Variants in RIF1 observed in about 807,000 individuals in gnomAD.
The protein encoded by RIF1 is replication timing regulatory factor 1.
A neutral mutation model predicts 247.1 loss-of-function variants in RIF1; 45 were observed. The ratio of observed to expected loss-of-function variants is 0.18; its 90% CI spans 0.14 to 0.23. RIF1 has a LOEUF of 0.23. Ranked by LOEUF, RIF1 falls within the 10% of genes least tolerant of loss-of-function variation. The pLI, the probability that RIF1 is intolerant of heterozygous loss-of-function variation, is 1.00. For synonymous variants in RIF1, 1,087 were observed against 978.8 expected (o/e 1.11, Z -2.06); for missense variants, 2,967 against 2,862.5 (o/e 1.04, Z -0.83).
At position 151,481,124 on chromosome 2, in the gene RIF1, A is replaced by G. The variant is rs575792981; in HGVS notation, c.*6053A>G. The G allele has an allele frequency of 4.6e-5, 7 of 152,328 alleles. No homozygotes were observed. Among genetic ancestry groups the G allele is most frequent in the South Asian group, 2.1e-4 (1 of 4,828 alleles). 9.4% of individuals were successfully genotyped at this position (152,328 alleles called of 1,614,324 possible). On this transcript the variant is annotated 3_prime_UTR_variant, in exon 36 of 36. Transcript: ENST00000444746. ...TATAGCAGAGTCTGTATGGCTTCCAACAGTCAAAATACTGCCTGGCCTTTT... is the reference window on the plus strand; with the variant it reads ...TATAGCAGAGTCTGTATGGCTTCCAGCAGTCAAAATACTGCCTGGCCTTTT...
At chr2:151,524,576 G>A in the RIF1 span, 1 of 1,611,426 alleles carries the variant, frequency 6.2e-7, no homozygotes, top group Middle Eastern at 1.7e-4. Context: ...AGCCACTGTG[G>A]TGTAATGCAG....
At chr2:151,482,195 C>T (rs1174934873), downstream of RIF1, 1 of 152,068 alleles carries the variant, frequency 6.6e-6, no homozygotes, top group Non-Finnish European at 1.5e-5. Context: ...TTTTTGTTGG[C>T]TACATTTTGG....
Position 151,416,793 on chromosome 2 carries a change from G to C in RIF1, c.409-14G>C. The C allele has an allele frequency of 6.2e-7, 1 of 1,603,218 alleles. No individual in the cohort carries two copies. ...AGGCTTATTTCATTTGTATTTATTT[G>C]GTTCGTTTTTTAGGTATCCAGTATA... On this transcript the variant is annotated splice_polypyrimidine_tract_variant and intron_variant, in intron 5 of 35. Transcript: ENST00000444746.
intron 29 of RIF1, 47 bp downstream of exon 29, chr2:151,462,513 A>G: frequency 8.1e-7 from 1 of 1,231,804 alleles, no homozygotes; most frequent in Non-Finnish European, 1.2e-6. Flanking sequence ...TCACCCTTCC[A>G]TTATACAGTC....
intron 11 of RIF1, chr2:151,502,710 A>G (rs2065652207): frequency 1.3e-6 from 1 of 781,172 alleles, no homozygotes; most frequent in South Asian, 1.6e-5. Context: ...CATTATATGA[A>G]TTTAGTAATT....
At chr2:151,522,306 T>C in the RIF1 span, among the ~76,000 whole-genome samples, 42 of 152,220 alleles carry the variant, frequency 2.8e-4, no homozygotes, top group Non-Finnish European at 1.8e-4. Context: ...TGTTGATTCA[T>C]AGAAGGCCTG....
chr2:151,432,335 T>C (rs1690320953), intron 9 of RIF1, among the ~76,000 whole-genome samples: 2 of 152,174 alleles, frequency 1.3e-5, no homozygotes, highest in African/African-American at 4.8e-5. Flanking sequence ...TGACAAGTTA[T>C]TTTAGCACAG....
chr2:151,447,951 G>A (rs768219551), intron 20 of RIF1, among the ~76,000 whole-genome samples: 78 of 152,042 alleles, frequency 5.1e-4, no homozygotes, highest in Non-Finnish European at 8.5e-4. Context: ...GCAGATTATT[G>A]AAATGATATT....
chr2:151,417,008 GTC>G, intron 6 of RIF1, 107 bp downstream of exon 6: 1 of 756,336 alleles, frequency 1.3e-6, no homozygotes, highest in Non-Finnish European at 2.2e-6. Flanking sequence ...AGGGGGGAAT[GTC>G]ATTTACACCA....
chr2:151,467,644 A>G (rs537010848), intron 30 of RIF1, among the ~76,000 whole-genome samples: 21 of 152,256 alleles, frequency 1.4e-4, no homozygotes, highest in Admixed American at 5.2e-4. Context: ...CGCCTGGCAC[A>G]TTTCTGTTTT....
At chr2:151,500,321 C>T (rs900369559) in intron 11 of RIF1, among the ~76,000 whole-genome samples, 2 of 152,026 alleles carry the variant, frequency 1.3e-5, no homozygotes, top group Non-Finnish European at 2.9e-5. Context: ...TCCCACTCCC[C>T]AGAAAAAAAT....
At chr2:151,525,442 A>G in the RIF1 span, among the ~76,000 whole-genome samples, 2 of 152,184 alleles carry the variant, frequency 1.3e-5, no homozygotes, top group Admixed American at 6.5e-5. Context: ...GTGTCCTGCA[A>G]CCCAACACTA....
chr2:151,463,106 G>A lies in RIF1; in HGVS notation c.3586G>A (p.Val1196Ile), dbSNP rs780898487. The A allele has an allele frequency of 2.6e-5, 42 of 1,613,798 alleles. No individual in the cohort carries two copies. The highest frequency in any genetic ancestry group is 1.6e-4 in the Middle Eastern group (1 of 6,084). Reference protein sequence around the residue: ...ECASSTENSFVVSSSSVSNTT... With the variant: ...ECASSTENSFIVSSSSVSNTT... ...TGCATCTAGTACAGAAAATTCTTTCGTTGTCAGCAGTAGTTCAGTTTCTAA... is the reference window on the plus strand; with the variant it reads ...TGCATCTAGTACAGAAAATTCTTTCATTGTCAGCAGTAGTTCAGTTTCTAA... The change falls in exon 30 of 36, where the codon GTT becomes ATT. Residue 1196 changes from valine to isoleucine, a missense_variant. Physicochemically the swap from Val to Ile is conservative, Grantham distance 29. Transcript: ENST00000444746.
rs770624403 is a variant in RIF1, at chr2:151,456,560, C to T, written c.2610-18C>T. ...AACTTGCAGAAATATAAATGGTATT[C>T]TATTTTATCCTTCCTAGGCTTGATG... On this transcript the variant is annotated intron_variant, in intron 22 of 35. Coordinates refer to ENST00000444746, the MANE Select transcript of RIF1 (RefSeq NM_018151.5). The T allele has an allele frequency of 7.2e-7, 1 of 1,397,148 alleles. No individual in the cohort carries two copies. Among genetic ancestry groups the T allele is most frequent in the Non-Finnish European group, 1.0e-6 (1 of 999,200 alleles). 86.5% of individuals were successfully genotyped at this position (1,397,148 alleles called of 1,614,324 possible). A position where few individuals can be genotyped will look rare whatever the true frequency, so the allele number is the denominator to read the frequency against.
At chr2:151,439,740 T>G (rs925492659) in intron 14 of RIF1, among the ~76,000 whole-genome samples, 5 of 150,994 alleles carry the variant, frequency 3.3e-5, no homozygotes, top group African/African-American at 1.2e-4. Flanking sequence ...TCCCAACACT[T>G]TGGGAAGCTG....
intron 13 of RIF1, chr2:151,506,919 T>C (rs1448820285): frequency 1.3e-5 from 21 of 1,598,490 alleles, no homozygotes; most frequent in Non-Finnish European, 1.8e-5. Flanking sequence ...CGAGCTGAAA[T>C]TCTTCTGATT....
At chr2:151,521,501 A>G in the RIF1 span, among the ~76,000 whole-genome samples, 1 of 152,270 alleles carries the variant, frequency 6.6e-6, no homozygotes, top group Non-Finnish European at 1.5e-5. Flanking sequence ...AGAAGTCCAT[A>G]AAACTAGGAG....
chr2:151,442,516 T>A (rs1286777246), intron 16 of RIF1, among the ~76,000 whole-genome samples: 1 of 152,000 alleles, frequency 6.6e-6, no homozygotes, highest in African/African-American at 2.4e-5. Context: ...GCTATGTGAA[T>A]GAAAAAACTA....
At chr2:151,427,453 C>G (rs955369150) in intron 8 of RIF1, among the ~76,000 whole-genome samples, 1 of 151,170 alleles carries the variant, frequency 6.6e-6, no homozygotes, top group African/African-American at 2.4e-5. Flanking sequence ...TTAGGTGATT[C>G]GCCTGCCTTG....
Sources: allele counts gnomAD v4.1 joint callset (sites outside exome capture counted in the v4.1 genomes callset), GRCh38; gene constraint gnomAD v4.1.1; transcripts MANE v1.5; gene names NCBI Gene and HGNC (gene_info 2026-07-23, HGNC 2026-07-21).